The following DGKH variants were observed in gnomAD, a reference collection of about 807,000 sequenced individuals.
The protein encoded by DGKH is diacylglycerol kinase eta, also known as DAG kinase eta.
A neutral mutation model predicts 159.3 loss-of-function variants in DGKH; 90 were observed. The ratio of observed to expected loss-of-function variants is 0.57; its 90% CI spans 0.48 to 0.67. The LOEUF is 0.67. Among genes scored for constraint, DGKH ranks in the 30% least tolerant of loss-of-function variants. The pLI is 0.00. For missense variants in DGKH, 1,181 were observed against 1,506.1 expected (o/e 0.78, Z 3.57); for synonymous variants, 536 against 553.8 (o/e 0.97, Z 0.45).
intron 3 of DGKH, among the ~76,000 whole-genome samples, chr13:42,154,856 T>C (rs56134371): frequency 0.35 from 53,580 of 151,222 alleles, 9,979 homozygotes; most frequent in Non-Finnish European, 0.42. Flanking sequence ...CTGGCCAACA[T>C]GGTGAAACCC....
intron 1 of DGKH, among the ~76,000 whole-genome samples, chr13:42,073,964 C>T (rs949391638): frequency 7.2e-5 from 11 of 152,248 alleles, no homozygotes; most frequent in South Asian, 6.2e-4. Context: ...TGCTATGAAG[C>T]GTCCACTGAA....
In DGKH at chr13:42,071,848, C is replaced by T. The variant is rs183754552; in HGVS notation, c.192+22883C>T. Reference sequence around the variant, plus strand: ...GAGGCCCTCACTTTGCCGCAGTCACCGCCATGTAACACCGACCCGTGAGAG... The same window carrying T: ...GAGGCCCTCACTTTGCCGCAGTCACTGCCATGTAACACCGACCCGTGAGAG... On this transcript the variant is annotated intron_variant, in intron 1 of 29. Coordinates refer to ENST00000337343, the MANE Select transcript of DGKH (RefSeq NM_178009.5). 5.3e-5 allele frequency among the ~76,000 whole-genome samples: 8 copies of T among 152,242 alleles called. No homozygotes were observed. In the East Asian group the frequency reaches 7.7e-4, roughly 15 times the overall value.
intron 1 of DGKH, among the ~76,000 whole-genome samples, chr13:42,096,128 A>T (rs1463224574): frequency 6.6e-6 from 1 of 152,108 alleles, no homozygotes; most frequent in Non-Finnish European, 1.5e-5. Flanking sequence ...AGGGGGGTCC[A>T]TGTGCAGGTT....
At position 42,135,507 on chromosome 13, in the gene DGKH, A is replaced by AAAAAAAAAAAAAAAAAAG. The variant is rs71096557; in HGVS notation, c.384+5876_384+5877insAAAAAAAAAAAAAAAAGA. On this transcript the variant is annotated intron_variant, in intron 3 of 29. Transcript: ENST00000337343. ...CCTGTCTCAGAAAAAAAAAAAAAAAAAGAGAGAGAGAGAAAAAGAAAAAAA... is the reference window on the plus strand; with the variant it reads ...CCTGTCTCAGAAAAAAAAAAAAAAAAAAAAAAAAAAAAAAAAAGAGAGAGAGAGAGAAAAAGAAAAAAA... Among the ~76,000 whole-genome samples, 621 of 113,136 alleles carry AAAAAAAAAAAAAAAAAAG rather than the reference A, an allele frequency of 5.5e-3. 21 individuals are homozygous for AAAAAAAAAAAAAAAAAAG. Among genetic ancestry groups the AAAAAAAAAAAAAAAAAAG allele is most frequent in the Non-Finnish European group, 8.1e-3 (419 of 51,484 alleles). The allele number at this position is 113,136 out of a possible 152,430, so 74.2% of individuals were successfully genotyped here.
intron 1 of DGKH, among the ~76,000 whole-genome samples, chr13:42,116,814 T>A (rs1371299227): frequency 6.6e-6 from 1 of 152,226 alleles, no homozygotes; most frequent in African/African-American, 2.4e-5. Context: ...GCAAAGGGCA[T>A]GAAATGAGCA....
intron 3 of DGKH, among the ~76,000 whole-genome samples, chr13:42,143,279 G>T (rs1287006567): frequency 6.6e-6 from 1 of 152,168 alleles, no homozygotes; most frequent in African/African-American, 2.4e-5. Flanking sequence ...GCTTTTTGAT[G>T]TGCTGCTGGA....
rs1242974244 is a variant in DGKH, at chr13:42,233,324, G to A, written c.*4136G>A. On this transcript the variant is annotated 3_prime_UTR_variant, in exon 30 of 30. Coordinates refer to ENST00000337343, the MANE Select transcript of DGKH (RefSeq NM_178009.5). ...GGCCAGCAGCATCAATATTACCTGG[G>A]AGCTTACAGAAATGCAGAATTTCAG... 6.6e-6 allele frequency: 1 copy of A among 152,120 alleles called. No homozygotes were observed. The highest frequency in any genetic ancestry group is 2.1e-4 in the South Asian group (1 of 4,830). The allele number at this position is 152,120 out of a possible 1,614,324, so 9.4% of individuals were successfully genotyped here.
intron 3 of DGKH, among the ~76,000 whole-genome samples, chr13:42,144,092 G>A (rs17062924): frequency 0.031 from 4,781 of 152,224 alleles, 251 homozygotes; most frequent in African/African-American, 0.11. Flanking sequence ...AAACAGCAGA[G>A]CTCTGAAGAG....
intron 26 of DGKH, among the ~76,000 whole-genome samples, chr13:42,216,260 T>C (rs1392177921): frequency 6.6e-6 from 1 of 152,258 alleles, no homozygotes; most frequent in East Asian, 1.9e-4. Context: ...AGCCTTTCTT[T>C]ATAAATACCT....
chr13:42,174,278 C>A, intron 12 of DGKH, 134 bp downstream of exon 12: 1 of 717,446 alleles, frequency 1.4e-6, no homozygotes, highest in Non-Finnish European at 2.3e-6. Flanking sequence ...GGGGTATGGT[C>A]TCATTGACTG....
intron 1 of DGKH, among the ~76,000 whole-genome samples, chr13:42,096,315 C>T (rs1228455512): frequency 1.3e-5 from 2 of 151,978 alleles, no homozygotes; most frequent in Admixed American, 6.6e-5. Context: ...TGTTTAGCTC[C>T]CACTTATAAA....
intron 3 of DGKH, among the ~76,000 whole-genome samples, chr13:42,148,944 C>CTTTTTTTTTTTT (rs11287579): frequency 1.2e-5 from 1 of 80,094 alleles, no homozygotes; most frequent in East Asian, 4.0e-4. Flanking sequence ...CCCGCCCCTT[C>CTTTTTTTTTTTT]TTTTTTTTTT....
At chr13:42,118,736 C>T (rs1955009869) in intron 1 of DGKH, among the ~76,000 whole-genome samples, 1 of 152,168 alleles carries the variant, frequency 6.6e-6, no homozygotes, top group South Asian at 2.1e-4. Context: ...GAGGGGTAGG[C>T]CACGCATTTG....
intron 24 of DGKH, among the ~76,000 whole-genome samples, chr13:42,212,991 A>C (rs1034398329): frequency 6.6e-6 from 1 of 152,202 alleles, no homozygotes; most frequent in Non-Finnish European, 1.5e-5. Context: ...ACTTTCAGGA[A>C]ATCTCAGAGA....
At chr13:42,072,760 A>G (rs1883051634) in intron 1 of DGKH, among the ~76,000 whole-genome samples, 2 of 152,212 alleles carry the variant, frequency 1.3e-5, no homozygotes, top group Admixed American at 1.3e-4. Flanking sequence ...CAAAAGAAAA[A>G]GGGATTTTCA....
intron 17 of DGKH, among the ~76,000 whole-genome samples, chr13:42,196,597 G>A (rs753711430): frequency 6.6e-6 from 1 of 152,166 alleles, no homozygotes; most frequent in Non-Finnish European, 1.5e-5. Context: ...GAAAGTAGAC[G>A]GTGGTTCCCA....
At chr13:42,107,704 C>T (rs1954786471) in intron 1 of DGKH, among the ~76,000 whole-genome samples, 1 of 152,076 alleles carries the variant, frequency 6.6e-6, no homozygotes, top group Non-Finnish European at 1.5e-5. Context: ...GGCAGCCCCG[C>T]TGTGAGTACA....
intron 29 of DGKH, among the ~76,000 whole-genome samples, chr13:42,249,653 T>C (rs936044582): frequency 1.3e-5 from 2 of 152,120 alleles, no homozygotes; most frequent in African/African-American, 2.4e-5. Context: ...TGGGTCCCAA[T>C]AAAACATTAT....
At chr13:42,128,755 A>G (rs1955223992) in intron 2 of DGKH, among the ~76,000 whole-genome samples, 1 of 152,108 alleles carries the variant, frequency 6.6e-6, no homozygotes, top group Non-Finnish European at 1.5e-5. Context: ...TGTCTATTTA[A>G]TCTCCTGTGC....
Sources: gnomAD v4.1 joint callset for allele counts (sites outside exome capture counted in the v4.1 genomes callset) on GRCh38, gnomAD v4.1.1 for gene constraint, MANE v1.5 for transcripts, NCBI Gene and HGNC (gene_info 2026-07-23, HGNC 2026-07-21) for gene names.